Variants in KCNK13 observed in about 807,000 individuals in gnomAD.
The protein encoded by KCNK13 is potassium two pore domain channel subfamily K member 13.
In KCNK13, 12 loss-of-function variants were observed where a neutral mutation model predicts 23.4. The ratio of observed to expected loss-of-function variants is 0.51; its 90% confidence interval spans 0.33 to 0.83. KCNK13 has a LOEUF of 0.83. Among genes scored for constraint, KCNK13 ranks in the 40% least tolerant of loss-of-function variants. The pLI is 0.02. For synonymous variants in KCNK13, 231 were observed against 229.5 expected, an observed-to-expected ratio of 1.01 and a Z score of -0.06; for missense variants, 463 against 556.3, an observed-to-expected ratio of 0.83 and a Z score of 1.69.
At chr14:90,109,105 A>G (rs1596781619) in intron 1 of KCNK13, among the ~76,000 whole-genome samples, 1 of 151,028 alleles carries the variant, frequency 6.6e-6, no homozygotes, top group Non-Finnish European at 1.5e-5. Flanking sequence ...TGAACCCGGG[A>G]GGCGGAGCTT....
chr14:90,067,543 T>A (rs1474180441), intron 1 of KCNK13, among the ~76,000 whole-genome samples: 1 of 152,214 alleles, frequency 6.6e-6, no homozygotes, highest in Non-Finnish European at 1.5e-5. Flanking sequence ...GTGATGGTTG[T>A]ACAACATTGC....
intron 1 of KCNK13, among the ~76,000 whole-genome samples, chr14:90,135,929 A>C (rs1889930942): frequency 6.6e-6 from 1 of 152,028 alleles, no homozygotes; most frequent in South Asian, 2.1e-4. Context: ...TTCAGCTGTC[A>C]TCACTTCTCG....
intron 1 of KCNK13, chr14:90,107,714 A>T: frequency 1.3e-6 from 1 of 772,138 alleles, no homozygotes; most frequent in Non-Finnish European, 2.4e-6. Context: ...CCAGCCTGGG[A>T]AGGTGGTTGT....
At chr14:90,064,732 C>T (rs1386981074) in intron 1 of KCNK13, among the ~76,000 whole-genome samples, 1 of 152,248 alleles carries the variant, frequency 6.6e-6, no homozygotes, top group Non-Finnish European at 1.5e-5. Flanking sequence ...TAAGTGCGTG[C>T]GTGTTAAAAG....
chr14:90,141,804 G>GGA (rs397818294), intron 1 of KCNK13, among the ~76,000 whole-genome samples: 1 of 143,282 alleles, frequency 7.0e-6, no homozygotes, highest in South Asian at 2.3e-4. Context: ...TGGGGGGGGG[G>GGA]ACGGAGCCTT....
chr14:90,108,846 G>A (rs187481900), intron 1 of KCNK13, among the ~76,000 whole-genome samples: 1 of 152,252 alleles, frequency 6.6e-6, no homozygotes, highest in African/African-American at 2.4e-5. Context: ...TACCCTAAGA[G>A]TGTATCTCTG....
chr14:90,158,574 T>C (rs1890219766), intron 1 of KCNK13, among the ~76,000 whole-genome samples: 1 of 152,176 alleles, frequency 6.6e-6, no homozygotes, highest in Admixed American at 6.5e-5. Context: ...TTCATGTTTC[T>C]TTTTCTTGGC....
chr14:90,109,109 G>A (rs1252942228), intron 1 of KCNK13, among the ~76,000 whole-genome samples: 4 of 151,594 alleles, frequency 2.6e-5, no homozygotes, highest in East Asian at 2.0e-4. Flanking sequence ...CCCGGGAGGC[G>A]GAGCTTGCAG....
chr14:90,185,132 T>G lies in KCNK13; in HGVS notation c.*129T>G. On this transcript the variant is annotated 3_prime_UTR_variant, in exon 2 of 2. Transcript: ENST00000282146. Reference sequence around the variant, plus strand: ...CTGTTCCCGGGAGCCTCCGCAAGCATCTTTAGAAATCTGATCTCGGCTCCA... The same window carrying G: ...CTGTTCCCGGGAGCCTCCGCAAGCAGCTTTAGAAATCTGATCTCGGCTCCA... 1 of 786,916 alleles carries G rather than the reference T, an allele frequency of 1.3e-6. No homozygotes were observed. Among genetic ancestry groups the G allele is most frequent in the Non-Finnish European group, 1.9e-6 (1 of 528,372 alleles). The allele number at this position is 786,916 out of a possible 1,614,324, so 48.7% of individuals were successfully genotyped here. A position where few individuals can be genotyped will look rare whatever the true frequency, so the allele number is the denominator to read the frequency against.
At chr14:90,134,476 T>A (rs1889911829) in intron 1 of KCNK13, among the ~76,000 whole-genome samples, 1 of 152,196 alleles carries the variant, frequency 6.6e-6, no homozygotes. Context: ...TAGGTAGGAA[T>A]TTTAAGAAAA....
At chr14:90,138,757 G>A (rs1333716674) in intron 1 of KCNK13, among the ~76,000 whole-genome samples, 1 of 152,200 alleles carries the variant, frequency 6.6e-6, no homozygotes, top group East Asian at 1.9e-4. Context: ...GCACTCCATA[G>A]CTGCACCCAT....
chr14:90,110,948 G>T (rs1251644267), intron 1 of KCNK13, among the ~76,000 whole-genome samples: 2 of 151,454 alleles, frequency 1.3e-5, no homozygotes, highest in Non-Finnish European at 1.5e-5. Flanking sequence ...GGCAGAGTTT[G>T]CAGTGAGCTG....
intron 1 of KCNK13, among the ~76,000 whole-genome samples, chr14:90,158,807 C>T (rs762388918): frequency 1.3e-5 from 2 of 152,192 alleles, no homozygotes; most frequent in Non-Finnish European, 2.9e-5. Flanking sequence ...TGTAACAAGA[C>T]CTAACAAGCA....
chr14:90,146,181 T>A (rs979282007), intron 1 of KCNK13, among the ~76,000 whole-genome samples: 1 of 152,238 alleles, frequency 6.6e-6, no homozygotes, highest in African/African-American at 2.4e-5. Context: ...TTTTATGTTC[T>A]CTGGATGATT....
intron 1 of KCNK13, among the ~76,000 whole-genome samples, chr14:90,166,475 G>T (rs190952761): frequency 6.6e-6 from 1 of 152,178 alleles, no homozygotes; most frequent in African/African-American, 2.4e-5. Context: ...GGGTGCTAAG[G>T]CGGGCAGACC....
chr14:90,128,690 G>A (rs1249139894), intron 1 of KCNK13, among the ~76,000 whole-genome samples: 1 of 152,050 alleles, frequency 6.6e-6, no homozygotes, highest in Non-Finnish European at 1.5e-5. Flanking sequence ...GGCTCCACTC[G>A]AGAATTTTCT....
intron 1 of KCNK13, among the ~76,000 whole-genome samples, chr14:90,098,187 G>T (rs567550880): frequency 6.6e-6 from 1 of 152,132 alleles, no homozygotes; most frequent in Non-Finnish European, 1.5e-5. Flanking sequence ...CAAGTACCAC[G>T]GGGGCCACAC....
At chr14:90,132,421 G>T (rs988327219) in intron 1 of KCNK13, among the ~76,000 whole-genome samples, 8 of 152,048 alleles carry the variant, frequency 5.3e-5, no homozygotes, top group Non-Finnish European at 1.2e-4. Flanking sequence ...ACATATGCCT[G>T]TAATCCCAGC....
chr14:90,083,567 G>T (rs951093480), intron 1 of KCNK13, among the ~76,000 whole-genome samples: 1 of 152,184 alleles, frequency 6.6e-6, no homozygotes, highest in Non-Finnish European at 1.5e-5. Context: ...GTGATTAGGT[G>T]ATGAGGGCTC....
Sources: allele counts gnomAD v4.1 joint callset (sites outside exome capture counted in the v4.1 genomes callset), GRCh38; gene constraint gnomAD v4.1.1; transcripts MANE v1.5; gene names NCBI Gene and HGNC (gene_info 2026-07-23, HGNC 2026-07-21).